Variants in MTCL1 observed in about 807,000 individuals in gnomAD.
MTCL1 encodes the protein microtubule crosslinking factor 1.
Under a neutral mutation model 141.4 loss-of-function variants are expected in MTCL1, and 79 were observed. The ratio of observed to expected loss-of-function variants is 0.56; its 90% CI spans 0.47 to 0.67. The LOEUF is 0.67. Among genes scored for constraint, MTCL1 ranks in the 30% least tolerant of loss-of-function variants. The pLI is 0.00. For synonymous variants in MTCL1, 914 were observed against 875.8 expected, an observed-to-expected ratio of 1.04 and a Z score of -0.77; for missense variants, 2,177 against 2,113.9, an observed-to-expected ratio of 1.03 and a Z score of -0.59.
chr18:8,805,104 T>TAC, intron 10 of MTCL1, among the ~76,000 whole-genome samples: 1 of 149,390 alleles, frequency 6.7e-6, no homozygotes, highest in East Asian at 1.9e-4. Flanking sequence ...TATTTTTGAA[T>TAC]ATATATATAT....
intron 4 of MTCL1, among the ~76,000 whole-genome samples, chr18:8,773,590 G>C (rs2096493410): frequency 6.6e-6 from 1 of 151,830 alleles, no homozygotes; most frequent in Admixed American, 6.6e-5. Flanking sequence ...TCTTTTCTCT[G>C]GATGTTTCTG....
At position 8,792,850 on chromosome 18, in the gene MTCL1, G is replaced by A. The variant is rs961325675; in HGVS notation, c.1888-148G>A. 12 of 1,113,358 alleles carry A rather than the reference G, an allele frequency of 1.1e-5. No individual in the cohort carries two copies. In the African/African-American group the frequency reaches 1.1e-4, roughly 10 times the overall value. The allele number at this position is 1,113,358 out of a possible 1,614,324, so 69.0% of individuals were successfully genotyped here. On this transcript the variant is annotated intron_variant, in intron 7 of 16. Coordinates refer to ENST00000359865, the Ensembl canonical transcript of MTCL1. Reference sequence around the variant, plus strand: ...GAGTCTAGAGGGAGGCCCCAGCGGAGCTGCCACAGTCACTCCACTGCTGCA... The same window carrying A: ...GAGTCTAGAGGGAGGCCCCAGCGGAACTGCCACAGTCACTCCACTGCTGCA...
At chr18:8,796,528 TCCTCACCCAC>T (rs1196889790) in intron 9 of MTCL1, 66 bp downstream of exon 8, 1 of 1,467,928 alleles carries the variant, frequency 6.8e-7, no homozygotes, top group Non-Finnish European at 9.5e-7. Flanking sequence ...CACTGCTTTC[TCCTCACCCAC>T]CCTACACACA....
intron 4 of MTCL1, among the ~76,000 whole-genome samples, chr18:8,771,864 C>T (rs1409533306): frequency 6.6e-6 from 1 of 152,188 alleles, no homozygotes; most frequent in Non-Finnish European, 1.5e-5. Context: ...CAGGCAAAGC[C>T]CCCACTGGGG....
chr18:8,756,391 A>G (rs374321675), intron 4 of MTCL1, among the ~76,000 whole-genome samples: 33 of 147,074 alleles, frequency 2.2e-4, no homozygotes, highest in South Asian at 8.5e-4. Context: ...ATATATGTGT[A>G]TATATGTATA....
intron 12 of MTCL1, among the ~76,000 whole-genome samples, chr18:8,816,277 A>G (rs2076652095): frequency 6.6e-6 from 1 of 152,244 alleles, no homozygotes; most frequent in Non-Finnish European, 1.5e-5. Flanking sequence ...AAGCCATATA[A>G]TATAACCTTG....
exon 17 of MTCL1, chr18:8,831,659 C>T: frequency 6.4e-7 from 1 of 1,550,554 alleles, no homozygotes; most frequent in Non-Finnish European, 8.7e-7. Flanking sequence ...TTCTCCAGGC[C>T]CGAGAGACCA....
At chr18:8,787,000 C>A (rs2096558580) in intron 7 of MTCL1, 1 of 156,208 alleles carries the variant, frequency 6.4e-6, no homozygotes, top group Admixed American at 6.1e-5. Context: ...AGTGCGTCTC[C>A]CTTCCCGAGT....
chr18:8,762,841 G>A (rs1485722198), intron 4 of MTCL1, among the ~76,000 whole-genome samples: 2 of 152,206 alleles, frequency 1.3e-5, no homozygotes, highest in African/African-American at 4.8e-5. Context: ...GAGGAGATGA[G>A]CGTGAGAGCA....
At chr18:8,761,039 A>G (rs1283893236) in intron 4 of MTCL1, among the ~76,000 whole-genome samples, 1 of 152,228 alleles carries the variant, frequency 6.6e-6, no homozygotes, top group African/African-American at 2.4e-5. Context: ...TCTTTGGAGA[A>G]AAAACTTGCT....
In MTCL1 at chr18:8,706,732, G is replaced by C. The variant is rs537220945; in HGVS notation, c.1053+19G>C. On this transcript the variant is annotated intron_variant, in intron 1 of 13. Transcript: ENST00000306329. ...TCTCAAGGTGAGCCGCGCCTCGGCC[G>C]CAGGTGTCCCGGGGCGCCCCCGGAG... The C allele has an allele frequency of 1.6e-4, 252 of 1,543,652 alleles. No individual in the cohort carries two copies. Among genetic ancestry groups the C allele is most frequent in the Admixed American group, 2.6e-4 (13 of 50,844 alleles).
At chr18:8,825,740 G>A (rs774038510) in exon 15 of MTCL1, 18 of 1,614,172 alleles carry the variant, frequency 1.1e-5, no homozygotes, top group African/African-American at 1.3e-5. Flanking sequence ...ATAACAGGAC[G>A]TCACCAGGGA....
chr18:8,710,941 A>C (rs11872398), intron 1 of MTCL1, among the ~76,000 whole-genome samples: 62,766 of 135,886 alleles, frequency 0.46, 15,074 homozygotes, highest in East Asian at 0.67. Context: ...CACATTGTGC[A>C]GGTTAGTTAC....
At chr18:8,776,201 C>T (rs987524570) in intron 4 of MTCL1, among the ~76,000 whole-genome samples, 1 of 152,198 alleles carries the variant, frequency 6.6e-6, no homozygotes, top group Non-Finnish European at 1.5e-5. Context: ...GCGTTGGGGA[C>T]AGTCTCTTTC....
chr18:8,775,994 A>T lies in MTCL1; in HGVS notation c.358-1839A>T, dbSNP rs147443147. 8.5e-5 allele frequency among the ~76,000 whole-genome samples: 13 copies of T among 152,332 alleles called. No homozygotes were observed. The East Asian group carries it at 2.5e-3, about 29-fold the overall frequency. On this transcript the variant is annotated intron_variant, in intron 4 of 16. Coordinates refer to ENST00000359865, the Ensembl canonical transcript of MTCL1. ...AGGGCTGGCATTCTGAGAGTGAGGCACTTAAAATGTGAACAGTGCTGAGTT... is the reference window on the plus strand; with the variant it reads ...AGGGCTGGCATTCTGAGAGTGAGGCTCTTAAAATGTGAACAGTGCTGAGTT...
At chr18:8,726,081 G>A (rs184609832) in intron 4 of MTCL1, among the ~76,000 whole-genome samples, 231 of 151,194 alleles carry the variant, frequency 1.5e-3, no homozygotes, top group African/African-American at 5.2e-3. Context: ...GTGAGCCACC[G>A]CGCCTGGTCT....
chr18:8,742,598 T>A (rs1432047685), intron 4 of MTCL1, among the ~76,000 whole-genome samples: 2 of 152,194 alleles, frequency 1.3e-5, no homozygotes, highest in African/African-American at 2.4e-5. Flanking sequence ...ATGATTCTGT[T>A]ACTTCCATCT....
At chr18:8,713,688 A>G (rs186634581), upstream of MTCL1, among the ~76,000 whole-genome samples, 141 of 152,342 alleles carry the variant, frequency 9.3e-4, 1 homozygote, top group South Asian at 9.1e-3. Context: ...CTCTCTGGGA[A>G]GAGTTGAAAC....
At chr18:8,820,228 T>G (rs2076797848) in intron 13 of MTCL1, among the ~76,000 whole-genome samples, 1 of 151,966 alleles carries the variant, frequency 6.6e-6, no homozygotes. Flanking sequence ...GCTAACACGG[T>G]GAAACCCTGT....
Sources: gnomAD v4.1 joint callset for allele counts (sites outside exome capture counted in the v4.1 genomes callset) on GRCh38, gnomAD v4.1.1 for gene constraint, MANE v1.5 for transcripts, NCBI Gene and HGNC (gene_info 2026-07-23, HGNC 2026-07-21) for gene names.